The following PCDHGA5 variants were observed in gnomAD, a reference collection of about 807,000 sequenced individuals.
PCDHGA5 encodes protocadherin gamma-A5.
In PCDHGA5, 36 loss-of-function variants were observed where a neutral mutation model predicts 56.7. The ratio of observed to expected loss-of-function variants is 0.64; its 90% CI spans 0.49 to 0.84. PCDHGA5 has a LOEUF of 0.84. PCDHGA5 is among the 40% of genes least tolerant of loss of function. The probability of loss-of-function intolerance (pLI) is 0.00; values close to 1 mark genes in which losing one functional copy is unlikely to be tolerated. For missense variants in PCDHGA5, 1,305 were observed against 1,201.5 expected (o/e 1.09, Z -1.27); for synonymous variants, 563 against 520.2 (o/e 1.08, Z -1.12).
intron 1 of PCDHGA5, chr5:141,392,823 C>A: frequency 6.3e-7 from 1 of 1,599,890 alleles, no homozygotes; most frequent in Non-Finnish European, 8.5e-7. Flanking sequence ...AATGGCCGCT[C>A]CACAGAGTCG....
intron 1 of PCDHGA5, chr5:141,390,260 C>T (rs1206984031): frequency 6.2e-7 from 1 of 1,614,002 alleles, no homozygotes; most frequent in Non-Finnish European, 8.5e-7. Context: ...TTTGTAATTC[C>T]AGTGAATTGA....
At chr5:141,405,488 C>T (rs781076927) in intron 1 of PCDHGA5, 5 of 895,936 alleles carry the variant, frequency 5.6e-6, no homozygotes, top group Middle Eastern at 2.9e-4. Context: ...GGTGTGATCT[C>T]GGCTCATTGC....
At chr5:141,375,036 G>A (rs1229219386) in intron 1 of PCDHGA5, 6 of 1,614,002 alleles carry the variant, frequency 3.7e-6, no homozygotes, top group Admixed American at 1.7e-5. Context: ...TATGAGCTGG[G>A]TGTTGAAGCC....
rs531352412 is a variant in PCDHGA5, at chr5:141,382,380, A to G, written c.2421+15629A>G. ...AATAAAATTTACCTTTTTGCCTTCAATAACTGATTTTCCCATGTGCAATAA... is the reference window on the plus strand; with the variant it reads ...AATAAAATTTACCTTTTTGCCTTCAGTAACTGATTTTCCCATGTGCAATAA... On this transcript the variant is annotated intron_variant, in intron 1 of 3. Coordinates refer to ENST00000518069, the MANE Select transcript of PCDHGA5 (RefSeq NM_018918.3). 3.3e-5 allele frequency among the ~76,000 whole-genome samples: 5 copies of G among 152,324 alleles called. No individual in the cohort carries two copies. The South Asian group carries it at 8.3e-4, about 25-fold the overall frequency.
chr5:141,375,635 C>T (rs776372663), intron 1 of PCDHGA5: 4 of 1,614,096 alleles, frequency 2.5e-6, no homozygotes, highest in Non-Finnish European at 1.7e-6. Flanking sequence ...GTACGCCCTG[C>T]GCTCCTTCGA....
chr5:141,446,623 TGC>T (rs1310809206), intron 1 of PCDHGA5, among the ~76,000 whole-genome samples: 1 of 152,014 alleles, frequency 6.6e-6, no homozygotes, highest in African/African-American at 2.4e-5. Flanking sequence ...ACTACAGGCG[TGC>T]ACCACCACGC....
chr5:141,365,946 AC>A lies in PCDHGA5; in HGVS notation c.1619del (p.Pro540LeufsTer9), dbSNP rs774882856. On this transcript the variant is annotated frameshift_variant, in exon 1 of 4. Coordinates refer to ENST00000518069, the MANE Select transcript of PCDHGA5 (RefSeq NM_018918.3). LOFTEE classifies it high-confidence loss of function. ...QLWVTASDSGNPPLSSNVSLS... is the reference protein window; with the variant it reads ...QLWVTASDSGXPPLSSNVSLS... ...TGGGTGACAGCCAGCGACAGTGGGAACCCTCCACTTAGCAGCAACGTGTCGC... is the reference window on the plus strand; with the variant it reads ...TGGGTGACAGCCAGCGACAGTGGGAACCTCCACTTAGCAGCAACGTGTCGC... 1.4e-4 allele frequency: 230 copies of A among 1,614,020 alleles called. No individual in the cohort carries two copies. Among genetic ancestry groups the A allele is most frequent in the Non-Finnish European group, 1.9e-4 (225 of 1,180,024 alleles).
rs769671283 is a variant in PCDHGA5, at chr5:141,511,391, C to T, written c.*218C>T. On this transcript the variant is annotated 3_prime_UTR_variant, in exon 4 of 4. Transcript: ENST00000518069. Reference sequence around the variant, plus strand: ...TGCAAAAGCAGTTCCGCTGGGAACCCCCATCCAATCAACTGCTGTACCCAT... The same window carrying T: ...TGCAAAAGCAGTTCCGCTGGGAACCTCCATCCAATCAACTGCTGTACCCAT... The T allele has an allele frequency of 6.4e-5, 69 of 1,079,630 alleles. No individual in the cohort carries two copies. The highest frequency in any genetic ancestry group is 1.5e-4 in the Admixed American group (5 of 34,354). 66.9% of individuals were successfully genotyped at this position (1,079,630 alleles called of 1,614,324 possible). A position where few individuals can be genotyped will look rare whatever the true frequency, so the allele number is the denominator to read the frequency against.
At chr5:141,448,114 A>G (rs1483138819) in intron 1 of PCDHGA5, among the ~76,000 whole-genome samples, 1 of 151,948 alleles carries the variant, frequency 6.6e-6, no homozygotes, top group Non-Finnish European at 1.5e-5. Flanking sequence ...AGAAAAGAAA[A>G]TTAGCCTCCC....
In PCDHGA5 at chr5:141,364,962, T is replaced by G; in HGVS notation, c.632T>G (p.Leu211Arg). Residue 211 changes from leucine (L) to arginine (R), a missense_variant, in exon 1 of 4, where the codon CTC becomes CGC. Transcript: ENST00000518069. The part of the protein sequence containing the change: ...DREKETVHDL[L>R]LTALDGGDPV... ...GAGAAAGAGACTGTTCACGACCTCC[T>G]CCTCACAGCTTTAGATGGCGGAGAC... 6.2e-7 allele frequency: 1 copy of G among 1,613,878 alleles called. No individual in the cohort carries two copies. The highest frequency in any genetic ancestry group is 1.1e-5 in the South Asian group (1 of 91,088).
chr5:141,383,073 G>A, intron 1 of PCDHGA5: 1 of 1,613,920 alleles, frequency 6.2e-7, no homozygotes. Context: ...AGCCCCGGGA[G>A]CTGGCGGAGC....
chr5:141,494,815 G>T lies in PCDHGA5; in HGVS notation c.2430G>T (p.Pro810=). The change falls in exon 2 of 4, where the codon CCG becomes CCT. Residue 810 remains proline, a synonymous_variant. Transcript: ENST00000518069. ...CTCTGTTTTCTCCACAGCAAGCCCC[G>T]CCCAACACGGACTGGCGTTTCTCTC... The part of the protein sequence containing the change: ...NKEERRVQQA[P]PNTDWRFSQA... 1.2e-6 allele frequency: 2 copies of T among 1,613,976 alleles called. No individual in the cohort carries two copies. The highest frequency in any genetic ancestry group is 1.1e-5 in the South Asian group (1 of 91,072).
intron 1 of PCDHGA5, among the ~76,000 whole-genome samples, chr5:141,446,280 A>G (rs1011084291): frequency 2.6e-5 from 4 of 152,162 alleles, no homozygotes; most frequent in South Asian, 2.1e-4. Context: ...AATACAATGG[A>G]TAAATGGGGA....
chr5:141,451,682 G>GA (rs1401536376), intron 1 of PCDHGA5, among the ~76,000 whole-genome samples: 1 of 152,128 alleles, frequency 6.6e-6, no homozygotes, highest in Non-Finnish European at 1.5e-5. Flanking sequence ...AGGAGTTCAA[G>GA]ACCAGCCTGG....
chr5:141,478,213 C>A (rs2099439229), intron 1 of PCDHGA5: 1 of 1,614,000 alleles, frequency 6.2e-7, no homozygotes, highest in Non-Finnish European at 8.5e-7. Context: ...TTTCTCTAAT[C>A]CTGGTTTCTG....
At chr5:141,414,287 C>A (rs374229359) in intron 1 of PCDHGA5, 4 of 1,613,316 alleles carry the variant, frequency 2.5e-6, no homozygotes, top group Non-Finnish European at 3.4e-6. Flanking sequence ...ACAGTCGTAG[C>A]CCTTTTAAAT....
At chr5:141,368,149 A>G (rs1022944602) in intron 1 of PCDHGA5, among the ~76,000 whole-genome samples, 6 of 152,184 alleles carry the variant, frequency 3.9e-5, no homozygotes, top group African/African-American at 1.4e-4. Context: ...TTGTACTTTT[A>G]AAACCTTGAG....
At chr5:141,426,374 C>G (rs908991939) in intron 1 of PCDHGA5, 2 of 219,094 alleles carry the variant, frequency 9.1e-6, no homozygotes, top group East Asian at 1.0e-4. Flanking sequence ...GGGGCACCCT[C>G]GGAGCAGATC....
At chr5:141,421,985 C>A (rs762388624) in intron 1 of PCDHGA5, 1 of 1,608,432 alleles carries the variant, frequency 6.2e-7, no homozygotes, top group East Asian at 2.2e-5. Flanking sequence ...GTGAGTGTTC[C>A]AGAAAACATC....
Sources: gnomAD v4.1 joint callset for allele counts (sites outside exome capture counted in the v4.1 genomes callset) on GRCh38, gnomAD v4.1.1 for gene constraint, MANE v1.5 for transcripts, NCBI Gene and HGNC (gene_info 2026-07-23, HGNC 2026-07-21) for gene names.